The following PHF21A variants were observed in gnomAD, a reference collection of about 807,000 sequenced individuals.
PHF21A encodes the protein PHD finger protein 21A.
Under a neutral mutation model 82.5 loss-of-function variants are expected in PHF21A, and 11 were observed. That is an observed-to-expected ratio of 0.13 (90% confidence interval 0.08 to 0.22). PHF21A has a LOEUF of 0.22. Ranked by LOEUF, PHF21A falls within the 10% of genes least tolerant of loss-of-function variation. PHF21A has a pLI of 1.00. For missense variants in PHF21A, 579 were observed against 837.8 expected, an observed-to-expected ratio of 0.69 and a Z score of 3.81; for synonymous variants, 297 against 302.8, an observed-to-expected ratio of 0.98 and a Z score of 0.20.
Position 46,012,558 on chromosome 11 carries a change from A to T in PHF21A, c.154-32592T>A, listed in dbSNP as rs565960113. Among the ~76,000 whole-genome samples the T allele has an allele frequency of 6.6e-5, 10 of 152,252 alleles. No homozygotes were observed. The South Asian group carries it at 2.1e-3, about 32-fold the overall frequency. On this transcript the variant is annotated intron_variant, in intron 6 of 18. Transcript: ENST00000676320. ...AACTCACGACAGTCTCTGTTTATTCACCTCTTAAATGGAGATAAAAGTAGC... is the reference window on the plus strand; with the variant it reads ...AACTCACGACAGTCTCTGTTTATTCTCCTCTTAAATGGAGATAAAAGTAGC...
intron 10 of PHF21A, among the ~76,000 whole-genome samples, chr11:45,962,347 A>G (rs771803328): frequency 2.0e-5 from 3 of 152,172 alleles, no homozygotes; most frequent in Admixed American, 1.3e-4. Context: ...ATGGCTACAT[A>G]CATTACATTG....
chr11:46,080,979 A>C (rs1447020159), intron 4 of PHF21A, among the ~76,000 whole-genome samples: 2 of 152,168 alleles, frequency 1.3e-5, no homozygotes, highest in Non-Finnish European at 2.9e-5. Context: ...TACTATTCTA[A>C]CAACCCTGAA....
intron 6 of PHF21A, among the ~76,000 whole-genome samples, chr11:46,076,428 A>G (rs766371382): frequency 6.6e-6 from 1 of 152,204 alleles, no homozygotes; most frequent in Non-Finnish European, 1.5e-5. Context: ...CAGCACCTAC[A>G]AGATTCTCTA....
chr11:46,087,101 T>C (rs1459009532), intron 3 of PHF21A, among the ~76,000 whole-genome samples: 3 of 152,218 alleles, frequency 2.0e-5, no homozygotes, highest in African/African-American at 7.2e-5. Flanking sequence ...TATCTCTAGG[T>C]AGTAGCACTG....
chr11:46,057,250 A>G lies in PHF21A; in HGVS notation c.153+19504T>C, dbSNP rs2096471871. 2.0e-5 allele frequency among the ~76,000 whole-genome samples: 3 copies of G among 152,122 alleles called. 1 individual carries two copies. The South Asian group carries it at 6.2e-4, about 32-fold the overall frequency. ...ATAAGCAGTTGCCCTATCAATGTAC[A>G]CTCAACTCAGCTATAATCTTTGCAT... On this transcript the variant is annotated intron_variant, in intron 6 of 18. Coordinates refer to ENST00000676320, the MANE Select transcript of PHF21A (RefSeq NM_001352027.3).
chr11:46,080,088 T>C lies in PHF21A; in HGVS notation c.55-922A>G, dbSNP rs573253584. 3.9e-5 allele frequency among the ~76,000 whole-genome samples: 6 copies of C among 152,346 alleles called. No individual in the cohort carries two copies. In the East Asian group the frequency reaches 5.8e-4, roughly 15 times the overall value. On this transcript the variant is annotated intron_variant, in intron 4 of 18. Coordinates refer to ENST00000676320, the MANE Select transcript of PHF21A (RefSeq NM_001352027.3). ...AATGGAAAAATTTGTCACTCTCTTT[T>C]GGTGACAAGGCACTTTTAAATTGTT... is the stretch of plus-strand genomic sequence containing the variant.
intron 6 of PHF21A, among the ~76,000 whole-genome samples, chr11:46,048,965 T>A (rs1283830099): frequency 2.0e-5 from 3 of 152,168 alleles, no homozygotes; most frequent in African/African-American, 2.4e-5. Flanking sequence ...GAGGAATAGA[T>A]AATTGAAGCT....
chr11:46,112,004 C>G (rs559774016), intron 1 of PHF21A, among the ~76,000 whole-genome samples: 1 of 152,276 alleles, frequency 6.6e-6, no homozygotes, highest in South Asian at 2.1e-4. Flanking sequence ...TTTGGATATT[C>G]TAACAGTGCA....
intron 15 of PHF21A, among the ~76,000 whole-genome samples, chr11:45,943,714 A>G (rs910879820): frequency 6.6e-6 from 1 of 152,202 alleles, no homozygotes; most frequent in Non-Finnish European, 1.5e-5. Flanking sequence ...ACAGACTCAA[A>G]GCTATCTCCA....
intron 6 of PHF21A, among the ~76,000 whole-genome samples, chr11:46,043,963 A>T (rs1314276914): frequency 3.3e-5 from 5 of 152,208 alleles, no homozygotes; most frequent in African/African-American, 1.2e-4. Context: ...CAAGCACAGA[A>T]TTTAATTTGT....
In PHF21A at chr11:45,933,989, G is replaced by T; in HGVS notation, c.2025C>A (p.Asn675Lys). The T allele has an allele frequency of 6.3e-7, 1 of 1,579,628 alleles. No individual in the cohort carries two copies. Among genetic ancestry groups the T allele is most frequent in the Non-Finnish European group, 8.6e-7 (1 of 1,164,268 alleles). Reference sequence around the variant, plus strand: ...TCTGTTATTTAGTCTCTTCCCCCTGGTTACAGTTCGCTGTGCAGCTCTGGG... The same window carrying T: ...TCTGTTATTTAGTCTCTTCCCCCTGTTTACAGTTCGCTGTGCAGCTCTGGG... ...PSSQSCTANCNQGEETK is the reference protein window; with the variant it reads ...PSSQSCTANCKQGEETK The change falls in exon 19 of 19, where the codon AAC (asparagine) becomes AAA (lysine). Residue 675 changes from asparagine (N) to lysine (K), a missense_variant. Physicochemically the swap from Asn to Lys is moderately conservative, Grantham distance 94. Coordinates refer to ENST00000676320, the MANE Select transcript of PHF21A (RefSeq NM_001352027.3).
chr11:45,943,488 T>C (rs372455906), intron 15 of PHF21A, among the ~76,000 whole-genome samples: 1 of 152,144 alleles, frequency 6.6e-6, no homozygotes, highest in South Asian at 2.1e-4. Flanking sequence ...CCCATCATCA[T>C]CTCTTGCCTG....
chr11:46,011,660 TC>T (rs1327887960), intron 6 of PHF21A, among the ~76,000 whole-genome samples: 2 of 152,312 alleles, frequency 1.3e-5, no homozygotes, highest in East Asian at 1.9e-4. Flanking sequence ...TTAGGTCCTT[TC>T]TCTTTTCTGA....
At chr11:45,950,851 C>A (rs918464842) in intron 11 of PHF21A, among the ~76,000 whole-genome samples, 2 of 152,166 alleles carry the variant, frequency 1.3e-5, no homozygotes, top group Non-Finnish European at 2.9e-5. Flanking sequence ...TCACTTGTCA[C>A]GACTAGGTCA....
At chr11:46,082,595 C>A (rs2096805501) in intron 4 of PHF21A, among the ~76,000 whole-genome samples, 1 of 152,056 alleles carries the variant, frequency 6.6e-6, no homozygotes, top group Non-Finnish European at 1.5e-5. Context: ...TCAAAGCTGA[C>A]AGTTAATATG....
chr11:46,103,385 G>A (rs2097120552), intron 1 of PHF21A, among the ~76,000 whole-genome samples: 1 of 152,146 alleles, frequency 6.6e-6, no homozygotes, highest in South Asian at 2.1e-4. Flanking sequence ...CTATTGCAAA[G>A]TAAGATTACA....
chr11:45,961,875 C>T (rs1311847974), intron 10 of PHF21A, among the ~76,000 whole-genome samples: 1 of 152,190 alleles, frequency 6.6e-6, no homozygotes, highest in Non-Finnish European at 1.5e-5. Flanking sequence ...GAGTCTTCAG[C>T]TTCAAAGATT....
chr11:46,064,304 A>C (rs2096569857), intron 6 of PHF21A, among the ~76,000 whole-genome samples: 1 of 152,166 alleles, frequency 6.6e-6, no homozygotes, highest in Non-Finnish European at 1.5e-5. Flanking sequence ...AAGGCGATGG[A>C]GGTGCGAGCA....
chr11:45,933,036 C>T lies in PHF21A; in HGVS notation c.*932G>A, dbSNP rs1185777461. On this transcript the variant is annotated 3_prime_UTR_variant, in exon 19 of 19. Transcript: ENST00000676320. ...ATTCAATTCACACACACCTGGGTCG[C>T]GTGCTGCTTCACTCAAGATCTTCTC... The T allele has an allele frequency of 1.3e-5, 2 of 152,752 alleles. No individual in the cohort carries two copies. Among genetic ancestry groups the T allele is most frequent in the African/African-American group, 2.4e-5 (1 of 41,578 alleles). The allele number at this position is 152,752 out of a possible 1,614,324, so 9.5% of individuals were successfully genotyped here.
Sources: gnomAD v4.1 joint callset for allele counts (sites outside exome capture counted in the v4.1 genomes callset) on GRCh38, gnomAD v4.1.1 for gene constraint, MANE v1.5 for transcripts, NCBI Gene and HGNC (gene_info 2026-07-23, HGNC 2026-07-21) for gene names.